GYG2: variants seen among roughly 807,000 people sequenced by gnomAD.
The protein encoded by GYG2 is glycogenin 2, also known as glycogenin-2.
Under a neutral mutation model 29.4 loss-of-function variants are expected in GYG2, and 29 were observed. The observed-to-expected ratio is 0.99, with a 90% confidence interval of 0.74 to 1.35. The LOEUF (loss-of-function observed/expected upper bound fraction) is 1.35. GYG2 is among the 40% of genes most tolerant of loss of function. The probability of loss-of-function intolerance (pLI) is 0.00; values close to 1 mark genes in which losing one functional copy is unlikely to be tolerated. For synonymous variants in GYG2, 167 were observed against 172.3 expected (o/e 0.97, Z 0.24); for missense variants, 370 against 385.7 (o/e 0.96, Z 0.34).
intron 8 of GYG2, among the ~76,000 whole-genome samples, chrX:2,867,823 A>G (rs1373081836): frequency 8.9e-6 from 1 of 112,390 alleles, no homozygotes; most frequent in Non-Finnish European, 1.9e-5. Flanking sequence ...GACCAGGTGC[A>G]GTGGCTCACG....
intron 9 of GYG2, 118 bp downstream of exon 9, chrX:2,876,032 CCTTTT>C: frequency 4.1e-6 from 1 of 241,394 alleles, no homozygotes; most frequent in Non-Finnish European, 6.7e-6. Flanking sequence ...AAAATTCCTC[CCTTTT>C]TTTTTTTTTT....
intron 3 of GYG2, among the ~76,000 whole-genome samples, chrX:2,851,044 A>G (rs1415615433): frequency 2.7e-5 from 3 of 112,148 alleles, no homozygotes; most frequent in African/African-American, 9.7e-5. Context: ...AAACATGAAT[A>G]GATTAAAATT....
intron 2 of GYG2, among the ~76,000 whole-genome samples, chrX:2,832,491 C>T (rs1405673151): frequency 9.0e-6 from 1 of 111,700 alleles, no homozygotes; most frequent in Non-Finnish European, 1.9e-5. Context: ...CTCTCCTGGG[C>T]TTGGTCCTCA....
At chrX:2,865,349 ACT>A (rs1038456416) in intron 8 of GYG2, among the ~76,000 whole-genome samples, 2 of 111,051 alleles carry the variant, frequency 1.8e-5, no homozygotes, top group African/African-American at 3.3e-5. Context: ...AGCACTTAGC[ACT>A]CTGGTTTCTC....
chrX:2,852,352 C>G (rs1275648001), intron 3 of GYG2, among the ~76,000 whole-genome samples: 1 of 111,903 alleles, frequency 8.9e-6, no homozygotes, highest in African/African-American at 3.2e-5. Flanking sequence ...TCAGCTTTGG[C>G]AATTGGGTGC....
Position 2,830,137 on chromosome X carries a change from T to C in GYG2, c.-52T>C. Reference sequence around the variant, plus strand: ...CGTGGCGAGGAAGTCCACCCACTGCTCCCGGGCGCAGGTCTGCAGGTCCGC... The same window carrying C: ...CGTGGCGAGGAAGTCCACCCACTGCCCCCGGGCGCAGGTCTGCAGGTCCGC... On this transcript the variant is annotated 5_prime_UTR_variant, in exon 2 of 11. Coordinates refer to ENST00000398806, the MANE Select transcript of GYG2 (RefSeq NM_001079855.2). The C allele has an allele frequency of 5.1e-6, 6 of 1,185,412 alleles. No homozygotes were observed. Among genetic ancestry groups the C allele is most frequent in the Non-Finnish European group, 6.9e-6 (6 of 872,267 alleles).
chrX:2,880,425 T>C lies in GYG2; in HGVS notation c.1252-627T>C, dbSNP rs1445208564. On this transcript the variant is annotated intron_variant, in intron 10 of 10. Coordinates refer to ENST00000398806, the MANE Select transcript of GYG2 (RefSeq NM_001079855.2). The stretch of plus-strand genomic sequence containing the variant: ...TGAGAGTATTAAATTAGTGTGTGTG[T>C]GTGTGTGTGTGTGTGCACATGCGCA... Among the ~76,000 whole-genome samples, 4 of 110,940 alleles carry C rather than the reference T, an allele frequency of 3.6e-5. No homozygotes were observed. The Admixed American group carries it at 3.9e-4, about 11-fold the overall frequency.
intron 2 of GYG2, among the ~76,000 whole-genome samples, chrX:2,835,099 C>T (rs762038781): frequency 1.9e-4 from 21 of 110,837 alleles, no homozygotes; most frequent in Non-Finnish European, 3.2e-4. Flanking sequence ...AAGGGGGTTG[C>T]GGGGGGTGGT....
intron 6 of GYG2, among the ~76,000 whole-genome samples, chrX:2,857,996 T>A (rs2088061198): frequency 9.0e-6 from 1 of 111,370 alleles, no homozygotes; most frequent in Non-Finnish European, 1.9e-5. Context: ...CTTGGGAAAA[T>A]GGATGGCACT....
At position 2,853,963 on chromosome X, in the gene GYG2, G is replaced by T. The variant is rs750801669; in HGVS notation, c.150-17G>T. ...TATTCACCCGCTGTCCCACTATTTG[G>T]CACATGTCTGTTCCAGGGTCATCCT... On this transcript the variant is annotated splice_polypyrimidine_tract_variant and intron_variant, in intron 3 of 10. Coordinates refer to ENST00000398806, the MANE Select transcript of GYG2 (RefSeq NM_001079855.2). The T allele has an allele frequency of 1.7e-6, 2 of 1,161,857 alleles. No individual in the cohort carries two copies. The highest frequency in any genetic ancestry group is 2.3e-6 in the Non-Finnish European group (2 of 852,743).
chrX:2,856,799 C>CATCTATCTATCATCT (rs1569064757), intron 6 of GYG2, among the ~76,000 whole-genome samples, 175 bp downstream of exon 6: 3 of 91,539 alleles, frequency 3.3e-5, no homozygotes. Context: ...ATCTATCTAT[C>CATCTATCTATCATCT]ATCTATCTAT....
At chrX:2,864,006 G>A (rs764391996) in intron 8 of GYG2, among the ~76,000 whole-genome samples, 2 of 112,184 alleles carry the variant, frequency 1.8e-5, no homozygotes, top group Non-Finnish European at 3.8e-5. Context: ...GAATGCTGTG[G>A]CATTCAAGGC....
Position 2,830,162 on chromosome X carries a change from C to G in GYG2, c.-27C>G, listed in dbSNP as rs1399617156. On this transcript the variant is annotated 5_prime_UTR_variant, in exon 2 of 11. Coordinates refer to ENST00000398806, the MANE Select transcript of GYG2 (RefSeq NM_001079855.2). ...TCCCGGGCGCAGGTCTGCAGGTCCG[C>G]GCCCACTGCCCGCGGCGCCACTGAC... 8.3e-7 allele frequency: 1 copy of G among 1,206,790 alleles called. No individual in the cohort carries two copies. Among genetic ancestry groups the G allele is most frequent in the Non-Finnish European group, 1.1e-6 (1 of 890,840 alleles).
chrX:2,839,759 A>G (rs1282786811), intron 2 of GYG2, among the ~76,000 whole-genome samples: 1 of 112,188 alleles, frequency 8.9e-6, no homozygotes, highest in Non-Finnish European at 1.9e-5. Context: ...ATGTCATGTG[A>G]AATTTACTGT....
intron 2 of GYG2, among the ~76,000 whole-genome samples, chrX:2,840,955 TGATG>T (rs750901040): frequency 6.4e-5 from 7 of 109,765 alleles, no homozygotes; most frequent in African/African-American, 9.9e-5. Flanking sequence ...GATAGATAGA[TGATG>T]GATGGATGGA....
chrX:2,859,583 G>A (rs1350877192), intron 6 of GYG2, among the ~76,000 whole-genome samples: 1 of 110,472 alleles, frequency 9.1e-6, no homozygotes, highest in South Asian at 3.8e-4. Flanking sequence ...ATATATTGAT[G>A]ACTATGTTGA....
intron 3 of GYG2, among the ~76,000 whole-genome samples, chrX:2,847,146 CTG>C (rs1029036539): frequency 1.8e-5 from 2 of 111,356 alleles, no homozygotes; most frequent in Non-Finnish European, 3.8e-5. Flanking sequence ...TTTTAAGAAA[CTG>C]TTATAATCTT....
rs1260290077 is a variant in GYG2 at position 2,856,497 on chromosome X, G to A, written c.488-1G>A. 1 of 1,209,039 alleles carries A rather than the reference G, an allele frequency of 8.3e-7. No individual in the cohort carries two copies. The highest frequency in any genetic ancestry group is 1.1e-6 in the Non-Finnish European group (1 of 894,055). ...TGCTTTTGTGTTTGCTCATTATGTA[G>A]GGGCAGACCAAGGCTTACTGAATAG... On this transcript the variant is annotated splice_acceptor_variant, in intron 5 of 10. Coordinates refer to ENST00000398806, the MANE Select transcript of GYG2 (RefSeq NM_001079855.2). LOFTEE classifies it high-confidence loss of function.
At chrX:2,853,303 C>T (rs909809652) in intron 3 of GYG2, among the ~76,000 whole-genome samples, 4 of 111,056 alleles carry the variant, frequency 3.6e-5, no homozygotes, top group South Asian at 3.9e-4. Context: ...CTCCGCCTCC[C>T]GGGTTCAAGC....
Sources: gnomAD v4.1 joint callset for allele counts (sites outside exome capture counted in the v4.1 genomes callset) on GRCh38, gnomAD v4.1.1 for gene constraint, MANE v1.5 for transcripts, NCBI Gene and HGNC (gene_info 2026-07-23, HGNC 2026-07-21) for gene names.